The following MRPL35 variants were observed in gnomAD, a reference collection of about 807,000 sequenced individuals.
MRPL35 encodes the protein mitochondrial ribosomal protein L35.
MRPL35 carries 18 observed loss-of-function variants against 21.6 expected under a neutral mutation model. The ratio of observed to expected loss-of-function variants is 0.83; its 90% CI spans 0.58 to 1.24. The LOEUF (loss-of-function observed/expected upper bound fraction) is 1.24. MRPL35 is among the 50% of genes most tolerant of loss of function. MRPL35 has a pLI of 0.00. For synonymous variants in MRPL35, 87 were observed against 86.9 expected (o/e 1.00, Z -0.01); for missense variants, 223 against 223.2 (o/e 1.00, Z 0.01).
chr2:86,207,002 G>A (rs551444087), intron 2 of MRPL35, among the ~76,000 whole-genome samples, 181 bp from the exon 3 acceptor site: 2 of 152,292 alleles, frequency 1.3e-5, no homozygotes, highest in East Asian at 3.9e-4. Flanking sequence ...AAGATTGCGA[G>A]TTGGTGATGG....
chr2:86,199,506 T>G lies in MRPL35; in HGVS notation c.16T>G (p.Phe6Val), dbSNP rs34804805. The G allele has an allele frequency of 2.3e-4, 375 of 1,614,170 alleles. No individual in the cohort carries two copies. In the Admixed American group the frequency reaches 2.9e-3, roughly 13 times the overall value. The change falls in exon 1 of 4, where the codon TTT becomes GTT. Residue 6 changes from phenylalanine (F) to valine (V), a missense_variant. Coordinates refer to ENST00000337109, the MANE Select transcript of MRPL35 (RefSeq NM_016622.4). Reference sequence around the variant, plus strand: ...GAAGGTGAAGATGGCTGCCTCTGCCTTTGCTGGTGCAGTGAGAGCAGCTTC... The same window carrying G: ...GAAGGTGAAGATGGCTGCCTCTGCCGTTGCTGGTGCAGTGAGAGCAGCTTC... MAASA[F>V]AGAVRAASGI... is the part of the protein sequence containing the mutation.
At chr2:86,204,618 G>A (rs1225993464) in intron 1 of MRPL35, among the ~76,000 whole-genome samples, 1 of 152,116 alleles carries the variant, frequency 6.6e-6, no homozygotes, top group Non-Finnish European at 1.5e-5. Flanking sequence ...TCTGGCCATA[G>A]TGGGAAGGAC....
In MRPL35 at chr2:86,212,429, G is replaced by A. The variant is rs116387151; in HGVS notation, c.*1761G>A. 1.1e-3 allele frequency: 1,843 copies of A among 1,613,724 alleles called. 14 individuals are homozygous for A. In the African/African-American group the frequency reaches 0.018, roughly 16 times the overall value. ...TTCATTTCTTCGCACTTCTGAGACG[G>A]CAAAGCCAACCACTTAGAAGCCTTC... On this transcript the variant is annotated 3_prime_UTR_variant, in exon 4 of 4. Coordinates refer to ENST00000337109, the MANE Select transcript of MRPL35 (RefSeq NM_016622.4).
At chr2:86,199,694 C>G (rs867729112) in intron 1 of MRPL35, among the ~76,000 whole-genome samples, 161 bp downstream of exon 1, 13 of 152,314 alleles carry the variant, frequency 8.5e-5, no homozygotes, top group Middle Eastern at 6.8e-3. Flanking sequence ...ACCGGCAGCC[C>G]GTACCAAGTC....
Position 86,212,828 on chromosome 2 carries a change from TAAAG to T in MRPL35, c.*2162_*2165del, listed in dbSNP as rs991214476. ...TAATCTGACAATAAATGTCTTTCAT[TAAAG>T]AGTTTACCTAAATGATGTTCGATTA... is the stretch of plus-strand genomic sequence containing the variant. On this transcript the variant is annotated 3_prime_UTR_variant, in exon 4 of 4. Coordinates refer to ENST00000337109, the MANE Select transcript of MRPL35 (RefSeq NM_016622.4). The T allele has an allele frequency of 1.1e-4, 107 of 999,844 alleles. No homozygotes were observed. Among genetic ancestry groups the T allele is most frequent in the Non-Finnish European group, 1.2e-4 (103 of 837,224 alleles). The allele number at this position is 999,844 out of a possible 1,614,324, so 61.9% of individuals were successfully genotyped here. A position where few individuals can be genotyped will look rare whatever the true frequency, so the allele number is the denominator to read the frequency against.
rs554174160 is a variant in MRPL35, at chr2:86,203,868, C to G, written c.44-2238C>G. The stretch of plus-strand genomic sequence containing the variant: ...GAATATGAGCCCAAATCATCTCATT[C>G]AAATCCTAGCACTTCTATATCAACA... On this transcript the variant is annotated intron_variant, in intron 1 of 3. Coordinates refer to ENST00000337109, the MANE Select transcript of MRPL35 (RefSeq NM_016622.4). Among the ~76,000 whole-genome samples the G allele has an allele frequency of 1.2e-3, 182 of 152,294 alleles. 1 individual carries two copies. The highest frequency in any genetic ancestry group is 2.0e-3 in the Non-Finnish European group (137 of 68,028).
At chr2:86,208,871 A>G (rs1193704719) in intron 3 of MRPL35, among the ~76,000 whole-genome samples, 1 of 152,252 alleles carries the variant, frequency 6.6e-6, no homozygotes, top group African/African-American at 2.4e-5. Flanking sequence ...AGATGAATTC[A>G]AACTAATGTG....
chr2:86,212,285 T>C lies in MRPL35; in HGVS notation c.*1617T>C. The C allele has an allele frequency of 6.7e-7, 1 of 1,489,172 alleles. No individual in the cohort carries two copies. Among genetic ancestry groups the C allele is most frequent in the South Asian group, 1.4e-5 (1 of 71,684 alleles). 92.2% of individuals were successfully genotyped at this position (1,489,172 alleles called of 1,614,324 possible). A position where few individuals can be genotyped will look rare whatever the true frequency, so the allele number is the denominator to read the frequency against. On this transcript the variant is annotated 3_prime_UTR_variant, in exon 4 of 4. Transcript: ENST00000337109. ...AGGAGAAAGGATAACAATAGAATGT[T>C]CTAAAACCAGAAGTCCAAGTGCGTG...
At chr2:86,210,271 CTTT>C (rs1191521854) in intron 3 of MRPL35, among the ~76,000 whole-genome samples, 1 of 151,784 alleles carries the variant, frequency 6.6e-6, no homozygotes, top group African/African-American at 2.4e-5. Context: ...ATTACTAATT[CTTT>C]TTTAAACTAC....
In MRPL35 at chr2:86,210,646, A is replaced by G. The variant is rs1673887182; in HGVS notation, c.545A>G (p.Asp182Gly). The G allele has an allele frequency of 6.2e-7, 1 of 1,612,004 alleles. No individual in the cohort carries two copies. Among genetic ancestry groups the G allele is most frequent in the Non-Finnish European group, 8.5e-7 (1 of 1,179,220 alleles). ...YVDDPYQKYH[D>G]RTNLKV ...GATGATCCTTATCAGAAGTATCATG[A>G]TCGAACAAACCTGAAAGTATAGATC... Residue 182 changes from aspartate to glycine, a missense_variant, in exon 4 of 4, where the codon GAT becomes GGT. Transcript: ENST00000337109.
At position 86,199,457 on chromosome 2, in the gene MRPL35, A is replaced by G; in HGVS notation, c.-34A>G. The G allele has an allele frequency of 5.0e-6, 8 of 1,613,782 alleles. No individual in the cohort carries two copies. Among genetic ancestry groups the G allele is most frequent in the Non-Finnish European group, 6.8e-6 (8 of 1,179,898 alleles). On this transcript the variant is annotated 5_prime_UTR_variant, in exon 1 of 4. Coordinates refer to ENST00000337109, the MANE Select transcript of MRPL35 (RefSeq NM_016622.4). Reference sequence around the variant, plus strand: ...CATTCTCTTTTGCTCTTGTGCTTTTAAACCCAAAGCGGCCGCCGTAGGCGA... The same window carrying G: ...CATTCTCTTTTGCTCTTGTGCTTTTGAACCCAAAGCGGCCGCCGTAGGCGA...
At position 86,206,273 on chromosome 2, in the gene MRPL35, C is replaced by G. The variant is rs190590707; in HGVS notation, c.211C>G (p.His71Asp). The change falls in exon 2 of 4, where the codon CAT (histidine) becomes GAT (aspartate). Residue 71 changes from histidine to aspartate, a missense_variant. His to Asp is a moderately conservative substitution (Grantham distance 81, BLOSUM62 -1). Transcript: ENST00000337109. The stretch of plus-strand genomic sequence containing the variant: ...ATCTGAGAGAAACCTGACATGTGGG[C>G]ATACCTCAGTGATCCTTAATAGGTA... The part of the protein sequence containing the change: ...TTSERNLTCG[H>D]TSVILNRMAP... The G allele has an allele frequency of 4.6e-4, 744 of 1,613,402 alleles. 6 individuals are homozygous for G. The highest frequency in any genetic ancestry group is 2.7e-5 in the Non-Finnish European group (32 of 1,179,428).
chr2:86,212,523 C>T lies in MRPL35; in HGVS notation c.*1855C>T, dbSNP rs1673927396. The T allele has an allele frequency of 6.3e-7, 1 of 1,599,170 alleles. No homozygotes were observed. The highest frequency in any genetic ancestry group is 1.4e-5 in the African/African-American group (1 of 74,066). On this transcript the variant is annotated 3_prime_UTR_variant, in exon 4 of 4. Transcript: ENST00000337109. ...CTGGGTAGTGAGATGGAAATGGTGCCTGCAGAAGTTGGGGAGAAGGATACT... is the reference window on the plus strand; with the variant it reads ...CTGGGTAGTGAGATGGAAATGGTGCTTGCAGAAGTTGGGGAGAAGGATACT...
Position 86,211,707 on chromosome 2 carries a change from G to A in MRPL35, c.*1039G>A. The A allele has an allele frequency of 1.0e-6, 1 of 984,780 alleles. No homozygotes were observed. Among genetic ancestry groups the A allele is most frequent in the Non-Finnish European group, 1.2e-6 (1 of 829,396 alleles). 61.0% of individuals were successfully genotyped at this position (984,780 alleles called of 1,614,324 possible). A position where few individuals can be genotyped will look rare whatever the true frequency, so the allele number is the denominator to read the frequency against. On this transcript the variant is annotated 3_prime_UTR_variant, in exon 4 of 4. Coordinates refer to ENST00000337109, the MANE Select transcript of MRPL35 (RefSeq NM_016622.4). ...CTAGAGACAGGAGTTTTGCTCTGTTGCCCAGGCTGGAGTGCAGTGGTGCAA... is the reference window on the plus strand; with the variant it reads ...CTAGAGACAGGAGTTTTGCTCTGTTACCCAGGCTGGAGTGCAGTGGTGCAA...
chr2:86,200,792 G>A (rs1673669830), intron 1 of MRPL35, among the ~76,000 whole-genome samples: 1 of 151,936 alleles, frequency 6.6e-6, no homozygotes, highest in Non-Finnish European at 1.5e-5. Context: ...GATTCCCTTG[G>A]AGTAGCTGGG....
chr2:86,204,125 T>C, intron 1 of MRPL35, among the ~76,000 whole-genome samples: 1 of 151,942 alleles, frequency 6.6e-6, no homozygotes, highest in East Asian at 1.9e-4. Context: ...GCTGGGATTA[T>C]AGGCGCACAC....
intron 2 of MRPL35, 30 bp downstream of exon 2, chr2:86,206,325 T>TTGTTTTC: frequency 6.5e-7 from 1 of 1,543,060 alleles, no homozygotes; most frequent in Non-Finnish European, 8.8e-7. Context: ...GGGGTTTTTT[T>TTGTTTTC]TGTTTTTTGT....
In MRPL35 at chr2:86,213,775, A is replaced by G. The variant is rs920445915; in HGVS notation, c.*3107A>G. On this transcript the variant is annotated 3_prime_UTR_variant, in exon 4 of 4. Coordinates refer to ENST00000337109, the MANE Select transcript of MRPL35 (RefSeq NM_016622.4). ...CGATGATTTTTTTAAATGTGAAATA[A>G]ACAGTGATACTTTCAGGTTTGTAGT... 2 of 1,219,780 alleles carry G rather than the reference A, an allele frequency of 1.6e-6. No homozygotes were observed. Among genetic ancestry groups the G allele is most frequent in the African/African-American group, 3.1e-5 (2 of 65,376 alleles). 75.6% of individuals were successfully genotyped at this position (1,219,780 alleles called of 1,614,324 possible).
intron 1 of MRPL35, among the ~76,000 whole-genome samples, chr2:86,204,418 C>CTTTTTTTT (rs773735586): frequency 8.9e-6 from 1 of 112,726 alleles, no homozygotes; most frequent in Non-Finnish European, 1.9e-5. Flanking sequence ...AGCTTTAGGA[C>CTTTTTTTT]TTTTTTTTTT....
Sources: allele counts gnomAD v4.1 joint callset (sites outside exome capture counted in the v4.1 genomes callset), GRCh38; gene constraint gnomAD v4.1.1; transcripts MANE v1.5; gene names NCBI Gene and HGNC (gene_info 2026-07-23, HGNC 2026-07-21).